Variants in PRAMEF25 observed in about 807,000 individuals in gnomAD.
PRAMEF25 encodes the protein PRAME family member 25.
chr1:13,076,284 C>G (rs1178918310), intron 3 of PRAMEF25: 2 of 15,914 alleles, frequency 1.3e-4, no homozygotes, highest in African/African-American at 7.0e-4. Context: ...GCTGATGATA[C>G]AGGCGTGTCA....
chr1:13,071,606 C>T (rs1330117896), intron 1 of PRAMEF25: 3 of 57,742 alleles, frequency 5.2e-5, no homozygotes, highest in Non-Finnish European at 8.9e-5. Context: ...GCATCTGTAG[C>T]CCCAGCTATT....
upstream of PRAMEF25, chr1:13,070,818 C>T (rs1273479145): frequency 8.0e-6 from 1 of 125,130 alleles, no homozygotes; most frequent in African/African-American, 2.6e-5. Context: ...CTTCTAAAGA[C>T]CCACAGGAGA....
chr1:13,071,036 G>C (rs1323544926), intron 1 of PRAMEF25, 129 bp downstream of exon 1: 2 of 134,138 alleles, frequency 1.5e-5, no homozygotes, highest in Admixed American at 8.0e-5. Flanking sequence ...TGAACAATTT[G>C]AAGCTTTGAA....
At position 13,076,525 on chromosome 1, in the gene PRAMEF25, C is replaced by T. The variant is rs867149734; in HGVS notation, c.876-466C>T. On this transcript the variant is annotated intron_variant, in intron 3 of 3. Transcript: ENST00000619661. ...TTTTTCTCCTTTTTTTTTTTTAATG[C>T]GGAGTCTCTCTCTGTCACCCAGGCT... The T allele has an allele frequency of 9.1e-4, 124 of 136,010 alleles. 7 individuals are homozygous for T. Among genetic ancestry groups the T allele is most frequent in the Middle Eastern group, 5.8e-3 (2 of 346 alleles). 8.4% of individuals were successfully genotyped at this position (136,010 alleles called of 1,614,324 possible). A position where few individuals can be genotyped will look rare whatever the true frequency, so the allele number is the denominator to read the frequency against.
At chr1:13,071,561 C>CTTTTT (rs1378927219) in intron 1 of PRAMEF25, 1 of 61,982 alleles carries the variant, frequency 1.6e-5, no homozygotes, top group Middle Eastern at 5.9e-3. Flanking sequence ...TCGGCCTCTA[C>CTTTTT]TTTTTTTTTT....
chr1:13,070,825 GA>G (rs1642340511), upstream of PRAMEF25: 2 of 125,338 alleles, frequency 1.6e-5, no homozygotes, highest in African/African-American at 5.2e-5. Flanking sequence ...AGACCCACAG[GA>G]GAGACCCAAA....
chr1:13,077,036 GC>G lies in PRAMEF25; in HGVS notation c.922del (p.Leu308PhefsTer6). ...AGGTCCTCACAATAACTAACTGTGT[GC>G]TTTTGGAATCAGACTTGAAGCATCT... On this transcript the variant is annotated frameshift_variant, in exon 4 of 4. Coordinates refer to ENST00000619661, the Ensembl canonical transcript of PRAMEF25. LOFTEE classifies it high-confidence loss of function. 1 of 569,278 alleles carries G rather than the reference GC, an allele frequency of 1.8e-6. No individual in the cohort carries two copies. Among genetic ancestry groups the G allele is most frequent in the Non-Finnish European group, 2.9e-6 (1 of 342,522 alleles). The allele number at this position is 569,278 out of a possible 1,614,324, so 35.3% of individuals were successfully genotyped here.
Position 13,071,007 on chromosome 1 carries a change from G to C in PRAMEF25, c.-17+100G>C, listed in dbSNP as rs1287818657. 56 of 125,512 alleles carry C rather than the reference G, an allele frequency of 4.5e-4. 1 individual carries two copies. The highest frequency in any genetic ancestry group is 1.4e-3 in the African/African-American group (56 of 39,280). 7.8% of individuals were successfully genotyped at this position (125,512 alleles called of 1,614,324 possible). ...CTACGATGGCACAGAGCTATATCCT[G>C]TCCTTTTTTTTTTTCATATGAACAA... is the stretch of plus-strand genomic sequence containing the variant. On this transcript the variant is annotated intron_variant, in intron 1 of 3. Transcript: ENST00000619661.
intron 1 of PRAMEF25, 141 bp downstream of exon 1, chr1:13,071,048 G>A (rs1329994110): frequency 5.8e-5 from 8 of 137,602 alleles, no homozygotes; most frequent in Admixed American, 4.6e-4. Flanking sequence ...AGCTTTGAAT[G>A]TTTTCCTCTA....
chr1:13,070,958 G>C (rs1277954705), intron 1 of PRAMEF25, 51 bp downstream of exon 1: 3 of 123,394 alleles, frequency 2.4e-5, no homozygotes, highest in African/African-American at 7.7e-5. Flanking sequence ...ACAGTCAGCT[G>C]GTCTGGGATG....
chr1:13,077,614 CTAGGTCT>C, exon 4 of PRAMEF25: 1 of 40,706 alleles, frequency 2.5e-5, no homozygotes, highest in East Asian at 2.8e-4. Flanking sequence ...AAACTAAAAC[CTAGGTCT>C]TAGGTACATC....
chr1:13,076,529 GTCTC>G (rs1308025802), intron 3 of PRAMEF25: 1 of 137,632 alleles, frequency 7.3e-6, no homozygotes, highest in African/African-American at 5.7e-5. Context: ...TTAATGCGGA[GTCTC>G]TCTCTGTCAC....
intron 1 of PRAMEF25, 103 bp downstream of exon 1, chr1:13,071,010 C>G (rs1436852247): frequency 8.3e-6 from 1 of 121,114 alleles, no homozygotes; most frequent in African/African-American, 2.6e-5. Flanking sequence ...ATATCCTGTC[C>G]TTTTTTTTTT....
chr1:13,070,913 T>C lies in PRAMEF25; in HGVS notation c.-17+6T>C, dbSNP rs1170839134. Reference sequence around the variant, plus strand: ...CTAAACTACATCCAGATCTGGTAAGTCATTAATTTCTGTAAGGACACTCCC... The same window carrying C: ...CTAAACTACATCCAGATCTGGTAAGCCATTAATTTCTGTAAGGACACTCCC... On this transcript the variant is annotated splice_donor_region_variant and intron_variant, in intron 1 of 3. Coordinates refer to ENST00000619661, the Ensembl canonical transcript of PRAMEF25. 1.1e-4 allele frequency: 13 copies of C among 122,472 alleles called. 1 individual carries two copies. In the Admixed American group the frequency reaches 1.1e-3, roughly 10 times the overall value. The allele number at this position is 122,472 out of a possible 1,614,324, so 7.6% of individuals were successfully genotyped here. A position where few individuals can be genotyped will look rare whatever the true frequency, so the allele number is the denominator to read the frequency against.
At position 13,076,533 on chromosome 1, in the gene PRAMEF25, C is replaced by G. The variant is rs546575230; in HGVS notation, c.876-458C>G. 15 of 137,368 alleles carry G rather than the reference C, an allele frequency of 1.1e-4. No individual in the cohort carries two copies. In the South Asian group the frequency reaches 2.8e-3, roughly 26 times the overall value. The allele number at this position is 137,368 out of a possible 1,614,324, so 8.5% of individuals were successfully genotyped here. On this transcript the variant is annotated intron_variant, in intron 3 of 3. Coordinates refer to ENST00000619661, the Ensembl canonical transcript of PRAMEF25. ...CTTTTTTTTTTTTAATGCGGAGTCT[C>G]TCTCTGTCACCCAGGCTGGAGTGTA... is the stretch of plus-strand genomic sequence containing the variant.
At chr1:13,071,159 A>T (rs1642345140) in intron 1 of PRAMEF25, 1 of 128,422 alleles carries the variant, frequency 7.8e-6, no homozygotes, top group African/African-American at 2.6e-5. Flanking sequence ...TAACCCCAAC[A>T]CTTTGGGAGG....
intron 1 of PRAMEF25, chr1:13,071,455 C>T (rs1207292791): frequency 3.1e-4 from 29 of 94,314 alleles, no homozygotes; most frequent in Admixed American, 6.5e-4. Flanking sequence ...GGGGTTTCAC[C>T]ATGCTGGCCA....
Position 13,070,988 on chromosome 1 carries a change from T to C in PRAMEF25, c.-17+81T>C, listed in dbSNP as rs1190700145. The C allele has an allele frequency of 5.0e-4, 63 of 125,386 alleles. 4 individuals carry two copies. Among genetic ancestry groups the C allele is most frequent in the African/African-American group, 1.4e-3 (54 of 39,414 alleles). 7.8% of individuals were successfully genotyped at this position (125,386 alleles called of 1,614,324 possible). A position where few individuals can be genotyped will look rare whatever the true frequency, so the allele number is the denominator to read the frequency against. On this transcript the variant is annotated intron_variant, in intron 1 of 3. Transcript: ENST00000619661. ...GGGATGGTGACAGTGCAGCCTACGA[T>C]GGCACAGAGCTATATCCTGTCCTTT...
intron 3 of PRAMEF25, chr1:13,076,444 A>T (rs1391445333): frequency 2.6e-5 from 2 of 77,490 alleles, no homozygotes; most frequent in Non-Finnish European, 4.4e-5. Context: ...GGATTCTGTG[A>T]ACTTGATCCA....
Sources: allele counts gnomAD v4.1 joint callset, GRCh38; gene constraint gnomAD v4.1.1; transcripts MANE v1.5; gene names NCBI Gene and HGNC (gene_info 2026-07-23, HGNC 2026-07-21).